MARCHF3: variants seen among roughly 807,000 people sequenced by gnomAD.
The protein encoded by MARCHF3 is membrane associated ring-CH-type finger 3, also known as E3 ubiquitin-protein ligase MARCHF3.
In MARCHF3, 13 loss-of-function variants were observed where a neutral mutation model predicts 24.2. The observed-to-expected ratio is 0.54, with a 90% confidence interval of 0.35 to 0.85. The LOEUF is 0.85. MARCHF3 is among the 40% of genes least tolerant of loss of function. The pLI is 0.01. For synonymous variants in MARCHF3, 144 were observed against 137.3 expected (o/e 1.05, Z -0.34); for missense variants, 276 against 325.0 (o/e 0.85, Z 1.16).
At chr5:126,916,961 A>G (rs192224819) in intron 2 of MARCHF3, among the ~76,000 whole-genome samples, 12 of 152,320 alleles carry the variant, frequency 7.9e-5, no homozygotes, top group African/African-American at 2.9e-4. Flanking sequence ...CCTTTGCACT[A>G]GCAGCACAGA....
rs1372573929 is a variant in MARCHF3, at chr5:126,895,526, TGACA to T, written c.394-17136_394-17133del. 2.0e-5 allele frequency among the ~76,000 whole-genome samples: 3 copies of T among 152,148 alleles called. No individual in the cohort carries two copies. The East Asian group carries it at 5.8e-4, about 29-fold the overall frequency. On this transcript the variant is annotated intron_variant, in intron 3 of 4. Coordinates refer to ENST00000308660, the MANE Select transcript of MARCHF3 (RefSeq NM_178450.5). The stretch of plus-strand genomic sequence containing the variant: ...CCTTTCTGTTTGTTAGTTTTCCTTC[TGACA>T]GACAGGACCCTCAGCTGCAGGTCTG...
At chr5:126,946,554 G>A (rs11949302) in intron 1 of MARCHF3, among the ~76,000 whole-genome samples, 70,708 of 151,666 alleles carry the variant, frequency 0.47, 16,994 homozygotes, top group East Asian at 0.67. Flanking sequence ...CATTGTGGGC[G>A]AGTCCTGGGG....
intron 3 of MARCHF3, among the ~76,000 whole-genome samples, chr5:126,898,245 T>C (rs991997137): frequency 6.6e-6 from 1 of 152,110 alleles, no homozygotes; most frequent in Non-Finnish European, 1.5e-5. Flanking sequence ...GTTCAAAAAA[T>C]CTGAGACTGG....
intron 1 of MARCHF3, among the ~76,000 whole-genome samples, chr5:126,995,826 C>T (rs1323745312): frequency 1.3e-5 from 2 of 152,208 alleles, no homozygotes; most frequent in Non-Finnish European, 2.9e-5. Context: ...AACTCAAACC[C>T]AGCCTTTTGG....
intron 1 of MARCHF3, among the ~76,000 whole-genome samples, chr5:126,947,312 C>T (rs997586442): frequency 6.6e-6 from 1 of 152,210 alleles, no homozygotes; most frequent in Non-Finnish European, 1.5e-5. Context: ...CCTTCACTTT[C>T]CCCCTTTCCT....
chr5:126,950,256 A>G (rs1367637266), intron 1 of MARCHF3, among the ~76,000 whole-genome samples: 1 of 152,256 alleles, frequency 6.6e-6, no homozygotes, highest in Non-Finnish European at 1.5e-5. Flanking sequence ...GAAGAAACAC[A>G]TATGACTCTA....
chr5:127,008,555 G>A (rs1282617504), intron 1 of MARCHF3, among the ~76,000 whole-genome samples: 5 of 152,226 alleles, frequency 3.3e-5, no homozygotes, highest in Admixed American at 1.3e-4. Flanking sequence ...GGAGGGATAC[G>A]ATGGGGTCAT....
intron 1 of MARCHF3, among the ~76,000 whole-genome samples, chr5:126,966,905 C>CTTTTTT (rs779454094): frequency 6.7e-4 from 3 of 4,496 alleles, no homozygotes; most frequent in African/African-American, 1.4e-3. Flanking sequence ...CTGTGAGAGC[C>CTTTTTT]TTTTTTTTTT....
At position 126,983,153 on chromosome 5, in the gene MARCHF3, C is replaced by T. The variant is rs73786258; in HGVS notation, c.-57+47197G>A. Among the ~76,000 whole-genome samples, 112 of 152,330 alleles carry T rather than the reference C, an allele frequency of 7.4e-4. 1 individual carries two copies. The highest frequency in any genetic ancestry group is 2.6e-3 in the African/African-American group (107 of 41,576). ...GCTTAACCATGCAGAGGAATCACAT[C>T]GCTGGATGCCACCGGACACTGCTCC... On this transcript the variant is annotated intron_variant, in intron 1 of 4. Transcript: ENST00000308660.
chr5:126,974,242 T>C (rs114531336), intron 1 of MARCHF3, among the ~76,000 whole-genome samples: 2,161 of 152,296 alleles, frequency 0.014, 66 homozygotes, highest in African/African-American at 0.049. Context: ...GAAGAAAAGA[T>C]GGATGGGGAC....
chr5:126,910,419 C>G (rs139794166), intron 3 of MARCHF3, among the ~76,000 whole-genome samples: 1 of 152,172 alleles, frequency 6.6e-6, no homozygotes, highest in African/African-American at 2.4e-5. Context: ...TTTAGGGGAA[C>G]AAGTCATGGT....
intron 2 of MARCHF3, 107 bp downstream of exon 2, chr5:126,917,877 C>T (rs1198577607): frequency 3.4e-6 from 4 of 1,163,884 alleles, no homozygotes; most frequent in Non-Finnish European, 4.8e-6. Flanking sequence ...CCTCCTCTCA[C>T]CTGACACAAA....
chr5:126,979,730 C>T (rs1196660999), intron 1 of MARCHF3, among the ~76,000 whole-genome samples: 1 of 152,106 alleles, frequency 6.6e-6, no homozygotes, highest in Non-Finnish European at 1.5e-5. Context: ...GGGCAGATCA[C>T]CTGAGATCAG....
At chr5:126,912,150 C>G (rs1036747933) in intron 3 of MARCHF3, among the ~76,000 whole-genome samples, 11 of 152,162 alleles carry the variant, frequency 7.2e-5, no homozygotes, top group African/African-American at 2.4e-4. Context: ...ATACAACAGC[C>G]CTGGGTTCCT....
At chr5:126,999,170 T>C (rs1752042655) in intron 1 of MARCHF3, among the ~76,000 whole-genome samples, 1 of 152,252 alleles carries the variant, frequency 6.6e-6, no homozygotes. Flanking sequence ...CAGGGCTCAG[T>C]TGGGGCAAAC....
chr5:126,948,439 C>A (rs1750101753), intron 1 of MARCHF3, among the ~76,000 whole-genome samples: 1 of 152,180 alleles, frequency 6.6e-6, no homozygotes, highest in South Asian at 2.1e-4. Context: ...CTACTGTGTG[C>A]CCCACACTAG....
chr5:127,009,306 G>A (rs910498346), intron 1 of MARCHF3, among the ~76,000 whole-genome samples: 1 of 152,114 alleles, frequency 6.6e-6, no homozygotes, highest in Non-Finnish European at 1.5e-5. Context: ...ATGTCATTCA[G>A]TATTTATTTC....
chr5:126,906,318 A>T (rs949287293), intron 3 of MARCHF3, among the ~76,000 whole-genome samples: 2 of 152,206 alleles, frequency 1.3e-5, no homozygotes, highest in African/African-American at 4.8e-5. Flanking sequence ...TATCAGGATG[A>T]TGCTGACCTC....
chr5:127,018,151 A>G (rs553060687), intron 1 of MARCHF3, among the ~76,000 whole-genome samples: 1 of 152,302 alleles, frequency 6.6e-6, no homozygotes, highest in African/African-American at 2.4e-5. Flanking sequence ...CGGGCAGATC[A>G]CCTGAGGTCA....
Sources: allele counts gnomAD v4.1 joint callset (sites outside exome capture counted in the v4.1 genomes callset), GRCh38; gene constraint gnomAD v4.1.1; transcripts MANE v1.5; gene names NCBI Gene and HGNC (gene_info 2026-07-23, HGNC 2026-07-21).